COL4A5: variants seen among roughly 807,000 people sequenced by gnomAD.
COL4A5 encodes collagen alpha-5(IV) chain.
A neutral mutation model predicts 130.2 loss-of-function variants in COL4A5; 26 were observed. The ratio of observed to expected loss-of-function variants is 0.20; its 90% CI spans 0.15 to 0.28. The LOEUF (loss-of-function observed/expected upper bound fraction) is 0.28, where lower values mean the gene tolerates loss of function less well. COL4A5 is among the 10% of genes least tolerant of loss of function. The pLI, the probability that COL4A5 is intolerant of heterozygous loss-of-function variation, is 1.00. For synonymous variants in COL4A5, 496 were observed against 439.6 expected (o/e 1.13, Z -1.60); for missense variants, 1,131 against 1,344.3 (o/e 0.84, Z 2.48).
chrX:108,557,703 ATAT>A (rs2065842196), intron 2 of COL4A5, among the ~76,000 whole-genome samples: 1 of 110,791 alleles, frequency 9.0e-6, no homozygotes, highest in African/African-American at 3.3e-5. Flanking sequence ...ACCTCTAGAG[ATAT>A]GTGTCTTCAA....
chrX:108,681,658 G>T (rs2068432910), intron 46 of COL4A5, 102 bp from the exon 47 acceptor site: 1 of 1,031,456 alleles, frequency 9.7e-7, no homozygotes, highest in Non-Finnish European at 1.4e-6. Context: ...TTCAAAAACT[G>T]GTTTCTCTCA....
intron 33 of COL4A5, 72 bp downstream of exon 33, chrX:108,622,897 A>C (rs1218031275): frequency 9.7e-7 from 1 of 1,027,827 alleles, no homozygotes; most frequent in South Asian, 2.2e-5. Flanking sequence ...TAGCATGAAA[A>C]GTGACTTATA....
chrX:108,513,719 G>T (rs1365909057), intron 1 of COL4A5, among the ~76,000 whole-genome samples: 2 of 111,417 alleles, frequency 1.8e-5, no homozygotes, highest in Non-Finnish European at 3.8e-5. Context: ...ATATTTTGAT[G>T]AGTTATTTAT....
intron 30 of COL4A5, among the ~76,000 whole-genome samples, chrX:108,618,773 A>G (rs2066981869): frequency 9.2e-6 from 1 of 108,800 alleles, no homozygotes; most frequent in Admixed American, 1.0e-4. Context: ...GGGTGGCCCA[A>G]CTTGCTGCTG....
At chrX:108,644,663 G>T (rs2067537306) in intron 36 of COL4A5, among the ~76,000 whole-genome samples, 1 of 111,524 alleles carries the variant, frequency 9.0e-6, no homozygotes, top group South Asian at 3.7e-4. Flanking sequence ...ACTTTGAGAG[G>T]CCAGTTTGGG....
In COL4A5 at chrX:108,687,361, A is replaced by C; in HGVS notation, c.4316-121A>C. ...CCATGATATCTGACAATGCCTTTATAGACACTCTATAAATATCAAATAAAT... is the reference window on the plus strand; with the variant it reads ...CCATGATATCTGACAATGCCTTTATCGACACTCTATAAATATCAAATAAAT... On this transcript the variant is annotated intron_variant, in intron 48 of 52. Coordinates refer to ENST00000328300, the MANE Select transcript of COL4A5 (RefSeq NM_033380.3). 3 of 621,877 alleles carry C rather than the reference A, an allele frequency of 4.8e-6. No homozygotes were observed. In the South Asian group the frequency reaches 7.5e-5, roughly 16 times the overall value. The allele number at this position is 621,877 out of a possible 1,213,427, so 51.2% of individuals were successfully genotyped here. A position where few individuals can be genotyped will look rare whatever the true frequency, so the allele number is the denominator to read the frequency against.
intron 1 of COL4A5, among the ~76,000 whole-genome samples, chrX:108,524,646 C>G (rs1316708020): frequency 9.0e-6 from 1 of 111,136 alleles, no homozygotes; most frequent in African/African-American, 3.3e-5. Context: ...AAATTTATCT[C>G]TAATCACTGC....
intron 36 of COL4A5, among the ~76,000 whole-genome samples, chrX:108,629,993 T>A (rs2067223668): frequency 2.7e-5 from 3 of 111,904 alleles, no homozygotes; most frequent in South Asian, 7.4e-4. Flanking sequence ...TGAGCTCATC[T>A]TTTTTATGGC....
At chrX:108,499,986 A>T (rs768834108) in intron 1 of COL4A5, among the ~76,000 whole-genome samples, 1 of 111,893 alleles carries the variant, frequency 8.9e-6, no homozygotes, top group Admixed American at 9.5e-5. Context: ...CTAGAATTAG[A>T]TATATCAGTA....
At chrX:108,655,310 T>C (rs1350325997) in intron 36 of COL4A5, 21 bp from the exon 37 acceptor site, 7 of 1,207,067 alleles carry the variant, frequency 5.8e-6, no homozygotes, top group Non-Finnish European at 7.8e-6. Context: ...TTCAGTATTA[T>C]CTTTTTATTC....
Position 108,472,614 on chromosome X carries a change from G to C in COL4A5, c.81+32408G>C, listed in dbSNP as rs188960022. Reference sequence around the variant, plus strand: ...ACAGGGGTGACTTAAAGCCTAATTTGTTGGATATTATTATAATCAGCCACC... The same window carrying C: ...ACAGGGGTGACTTAAAGCCTAATTTCTTGGATATTATTATAATCAGCCACC... On this transcript the variant is annotated intron_variant, in intron 1 of 52. Coordinates refer to ENST00000328300, the MANE Select transcript of COL4A5 (RefSeq NM_033380.3). 5.4e-5 allele frequency among the ~76,000 whole-genome samples: 6 copies of C among 111,549 alleles called. 1 individual carries two copies. The Admixed American group carries it at 5.7e-4, about 11-fold the overall frequency.
chrX:108,447,521 T>C (rs889627908), intron 1 of COL4A5, among the ~76,000 whole-genome samples: 1 of 112,233 alleles, frequency 8.9e-6, no homozygotes, highest in Admixed American at 9.5e-5. Flanking sequence ...CATTGTGGTT[T>C]TTCCAGGTGG....
chrX:108,544,348 C>G (rs1357880725), intron 2 of COL4A5, among the ~76,000 whole-genome samples: 1 of 112,334 alleles, frequency 8.9e-6, no homozygotes, highest in Non-Finnish European at 1.9e-5. Flanking sequence ...AAGGCCTTTT[C>G]TGCATCTATT....
At chrX:108,626,082 G>T in intron 35 of COL4A5, 128 bp from the exon 36 acceptor site, 2 of 609,064 alleles carry the variant, frequency 3.3e-6, no homozygotes, top group Non-Finnish European at 5.1e-6. Flanking sequence ...TGTTTGTGAG[G>T]CTCATTATTA....
At chrX:108,693,770 C>T (rs1351257619) in intron 50 of COL4A5, 1 of 111,072 alleles carries the variant, frequency 9.0e-6, no homozygotes, top group African/African-American at 3.3e-5. Flanking sequence ...AGATTTGGAG[C>T]ATGAGTAACT....
At chrX:108,454,904 C>T (rs1020321752) in intron 1 of COL4A5, among the ~76,000 whole-genome samples, 1 of 111,630 alleles carries the variant, frequency 9.0e-6, no homozygotes, top group Non-Finnish European at 1.9e-5. Flanking sequence ...TGAGCCACCA[C>T]GCCTGGCCTA....
chrX:108,452,604 C>A (rs1276280420), intron 1 of COL4A5, among the ~76,000 whole-genome samples: 14 of 111,548 alleles, frequency 1.3e-4, no homozygotes, highest in Admixed American at 2.9e-4. Flanking sequence ...ATGGGAGTTC[C>A]CTCATGATTT....
chrX:108,471,844 C>A (rs2064773910), intron 1 of COL4A5, among the ~76,000 whole-genome samples: 1 of 111,004 alleles, frequency 9.0e-6, no homozygotes, highest in South Asian at 3.7e-4. Context: ...TATCTCCACT[C>A]TAATCTTTCA....
At position 108,485,463 on chromosome X, in the gene COL4A5, C is replaced by G. The variant is rs150806580; in HGVS notation, c.81+45257C>G. ...CTTACCCAAGGCCCATGGTGTACTA[C>G]CTGGGTAGCTGGGTATTGCTACTGG... On this transcript the variant is annotated intron_variant, in intron 1 of 52. Coordinates refer to ENST00000328300, the MANE Select transcript of COL4A5 (RefSeq NM_033380.3). 7.8e-3 allele frequency among the ~76,000 whole-genome samples: 870 copies of G among 111,519 alleles called. 1 individual carries two copies. The highest frequency in any genetic ancestry group is 0.012 in the Non-Finnish European group (630 of 53,053).
Sources: allele counts gnomAD v4.1 joint callset (sites outside exome capture counted in the v4.1 genomes callset), GRCh38; gene constraint gnomAD v4.1.1; transcripts MANE v1.5; gene names NCBI Gene and HGNC (gene_info 2026-07-23, HGNC 2026-07-21).